The following ATG2A variants were observed in gnomAD, a reference collection of about 807,000 sequenced individuals.
ATG2A encodes the protein autophagy related 2A.
ATG2A carries 103 observed loss-of-function variants against 214.2 expected under a neutral mutation model. That is an observed-to-expected ratio of 0.48 (90% CI 0.41 to 0.57). ATG2A has a LOEUF of 0.57. Ranked by LOEUF, ATG2A falls within the 20% of genes least tolerant of loss-of-function variation. The pLI, the probability that ATG2A is intolerant of heterozygous loss-of-function variation, is 0.00. For missense variants in ATG2A, 2,312 were observed against 2,613.2 expected, an observed-to-expected ratio of 0.88 and a Z score of 2.51; for synonymous variants, 1,160 against 1,142.1, an observed-to-expected ratio of 1.02 and a Z score of -0.32.
chr11:64,897,494 C>T lies in ATG2A; in HGVS notation c.5068G>A (p.Gly1690Ser), dbSNP rs1237488274. 6.3e-7 allele frequency: 1 copy of T among 1,581,298 alleles called. No homozygotes were observed. The highest frequency in any genetic ancestry group is 8.6e-7 in the Non-Finnish European group (1 of 1,163,656). Reference protein sequence around the residue: ...HGKHVTMDQVGTFAGLLIGLA... With the variant: ...HGKHVTMDQVSTFAGLLIGLA... ...CCGATGAGGAGGCCAGCAAAAGTGCCCTGGGAGAGGGAGGGGGTCCAGGTT... is the reference window on the plus strand; with the variant it reads ...CCGATGAGGAGGCCAGCAAAAGTGCTCTGGGAGAGGGAGGGGGTCCAGGTT... Residue 1690 changes from glycine to serine, a missense_variant and splice_region_variant, in exon 37 of 41, where the codon GGC becomes AGC. Gly to Ser is a moderately conservative substitution (Grantham distance 56, BLOSUM62 0). Transcript: ENST00000377264.
rs769965305 is a variant in ATG2A, at chr11:64,907,456, G to A, written c.2648-17C>T. On this transcript the variant is annotated splice_polypyrimidine_tract_variant and intron_variant, in intron 18 of 40. Transcript: ENST00000377264. ...AGCAGTTGGCTGGGAAGGAGACCGC[G>A]AAGGGCTAGCCTGGCCCTTCCCAGA... is the stretch of plus-strand genomic sequence containing the variant. 1.6e-5 allele frequency: 26 copies of A among 1,606,366 alleles called. No individual in the cohort carries two copies. Among genetic ancestry groups the A allele is most frequent in the African/African-American group, 5.3e-5 (4 of 74,838 alleles).
intron 24 of ATG2A, among the ~76,000 whole-genome samples, chr11:64,904,225 G>A (rs1373609179): frequency 6.7e-6 from 1 of 150,174 alleles, no homozygotes; most frequent in South Asian, 2.1e-4. Context: ...TAGCCTGGGC[G>A]ACAGAGTGAG....
rs200777640 is a variant in ATG2A at position 64,897,666 on chromosome 11, C to G, written c.5067+5G>C. The G allele has an allele frequency of 6.2e-7, 1 of 1,614,252 alleles. No homozygotes were observed. The highest frequency in any genetic ancestry group is 2.2e-5 in the East Asian group (1 of 44,882). ...ATGGCCACCCCATCCGACCGCCCCA[C>G]TTACCACCTGGTCCATCGTGACGTG... On this transcript the variant is annotated splice_donor_5th_base_variant and intron_variant, in intron 36 of 40. Coordinates refer to ENST00000377264, the MANE Select transcript of ATG2A (RefSeq NM_015104.3).
chr11:64,911,506 G>A (rs1312973403), intron 9 of ATG2A, among the ~76,000 whole-genome samples: 1 of 152,142 alleles, frequency 6.6e-6, no homozygotes, highest in Non-Finnish European at 1.5e-5. Flanking sequence ...ATGTGATAAA[G>A]CACCCAGCCT....
chr11:64,900,346 A>G, intron 31 of ATG2A, 148 bp downstream of exon 31: 1 of 1,239,260 alleles, frequency 8.1e-7, no homozygotes, highest in East Asian at 2.4e-5. Flanking sequence ...CATCGGACAC[A>G]CTCGATACAT....
At chr11:64,908,413 G>T (rs1174042559) in intron 16 of ATG2A, among the ~76,000 whole-genome samples, 1 of 152,196 alleles carries the variant, frequency 6.6e-6, no homozygotes, top group Non-Finnish European at 1.5e-5. Flanking sequence ...TTAGCCGGGC[G>T]TGGTGGCACG....
chr11:64,898,591 G>A lies in ATG2A; in HGVS notation c.4671+45C>T, dbSNP rs778441446. On this transcript the variant is annotated intron_variant, in intron 32 of 40. Transcript: ENST00000377264. The surrounding 1 kb of genome is among the most constrained non-coding windows in gnomAD (Gnocchi z 4.5). ...GCATGCGTGAAGATGTATCCCCAAC[G>A]GTCTGGTGCCCTGCCCCAGGGTGGA... 1.2e-4 allele frequency: 189 copies of A among 1,592,010 alleles called. No individual in the cohort carries two copies. Among genetic ancestry groups the A allele is most frequent in the Non-Finnish European group, 1.5e-4 (179 of 1,161,000 alleles).
chr11:64,900,340 G>C (rs775867506), intron 31 of ATG2A, among the ~76,000 whole-genome samples, 154 bp downstream of exon 31: 1 of 151,898 alleles, frequency 6.6e-6, no homozygotes, highest in Non-Finnish European at 1.5e-5. Flanking sequence ...CTTCACCATC[G>C]GACACACTCG....
At chr11:64,911,346 C>T (rs1441293024) in intron 9 of ATG2A, 71 bp from the exon 10 acceptor site, 7 of 1,515,000 alleles carry the variant, frequency 4.6e-6, no homozygotes, top group Non-Finnish European at 6.3e-6. Flanking sequence ...AATAGTTTGC[C>T]ACCAGGCTGG....
rs1292601248 is a variant in ATG2A at position 64,895,251 on chromosome 11, T to C, written c.5580+39A>G. The C allele has an allele frequency of 1.2e-6, 2 of 1,612,842 alleles. No individual in the cohort carries two copies. The highest frequency in any genetic ancestry group is 1.7e-5 in the Admixed American group (1 of 59,994). On this transcript the variant is annotated intron_variant, in intron 40 of 40. Coordinates refer to ENST00000377264, the MANE Select transcript of ATG2A (RefSeq NM_015104.3). This position sits in a 1 kb window ranked among gnomAD's most constrained non-coding sequence, Gnocchi z 5.0. Reference sequence around the variant, plus strand: ...TCAGGGCGGGGTCTGTGTGAGGAGATGGGCATGGGGGACTGGGGCAGGGCG... The same window carrying C: ...TCAGGGCGGGGTCTGTGTGAGGAGACGGGCATGGGGGACTGGGGCAGGGCG...
chr11:64,906,194 C>G lies in ATG2A; in HGVS notation c.3184-1G>C, dbSNP rs1944540456. On this transcript the variant is annotated splice_acceptor_variant, in intron 21 of 40. Coordinates refer to ENST00000377264, the MANE Select transcript of ATG2A (RefSeq NM_015104.3). LOFTEE classifies it high-confidence loss of function. ...GCAACCGCAGTGTCACCAGGAACTC[C>G]TGAGGGTGGGGGCGCAGTCAGGGCA... The G allele has an allele frequency of 1.2e-6, 2 of 1,611,028 alleles. No homozygotes were observed. Among genetic ancestry groups the G allele is most frequent in the African/African-American group, 2.7e-5 (2 of 74,902 alleles).
intron 26 of ATG2A, 139 bp from the exon 27 acceptor site, chr11:64,902,819 C>A (rs949456125): frequency 1.4e-6 from 1 of 731,938 alleles, no homozygotes; most frequent in Non-Finnish European, 2.3e-6. Context: ...GAGTGGATGA[C>A]CTGCCCAGTA....
rs769964860 is a variant in ATG2A, at chr11:64,911,899, A to G, written c.1171T>C (p.Ser391Pro). 1.2e-6 allele frequency: 2 copies of G among 1,613,704 alleles called. No homozygotes were observed. The highest frequency in any genetic ancestry group is 2.2e-5 in the South Asian group (2 of 91,004). ...GAGGCCATGTCGCTGCGCACAGAGG[A>G]GGCCAGGTCTACATCGGAGAGGGAG... The part of the protein sequence containing the change: ...ELSLSDVDLA[S>P]SVRSDMASRR... The change falls in exon 9 of 41, where the codon TCC (serine) becomes CCC (proline). Residue 391 changes from serine (S) to proline (P), a missense_variant. Transcript: ENST00000377264.
rs534405796 is a variant in ATG2A, at chr11:64,898,752, G to A, written c.4555C>T (p.Gln1519Ter). The change falls in exon 32 of 41, where the codon CAG becomes TAG. Residue 1519 changes from glutamine to a stop codon, truncating the protein, a stop_gained. Coordinates refer to ENST00000377264, the MANE Select transcript of ATG2A (RefSeq NM_015104.3). LOFTEE classifies it high-confidence loss of function. This position sits in a 1 kb window ranked among gnomAD's most constrained non-coding sequence, Gnocchi z 4.5. ...TCCAGCTCCTGCACGATGAACACCT[G>A]ACGGGACAGCGGTCGCTCCTCCAGC... ...QELEERPLSR[Q>*]VFIVQELEVR... is the part of the protein sequence containing the mutation. 1 of 1,614,038 alleles carries A rather than the reference G, an allele frequency of 6.2e-7. No homozygotes were observed. The highest frequency in any genetic ancestry group is 1.1e-5 in the South Asian group (1 of 91,082).
chr11:64,906,220 G>A (rs1302113374), intron 21 of ATG2A, 27 bp from the exon 22 acceptor site: 1 of 1,611,286 alleles, frequency 6.2e-7, no homozygotes, highest in Non-Finnish European at 8.5e-7. Flanking sequence ...AGTCAGGGCA[G>A]TGGGGAGGCC....
rs759332220 is a variant in ATG2A at position 64,909,702 on chromosome 11, G to C, written c.2086C>G (p.Leu696Val). The C allele has an allele frequency of 5.6e-6, 9 of 1,613,056 alleles. No homozygotes were observed. Among genetic ancestry groups the C allele is most frequent in the South Asian group, 1.1e-5 (1 of 91,088 alleles). Reference protein sequence around the residue: ...PGPPVPTHLELTCSDLHGIYE... With the variant: ...PGPPVPTHLEVTCSDLHGIYE... The stretch of plus-strand genomic sequence containing the variant: ...TCACCATGTAGGTCGGAGCAGGTGA[G>C]TTCCAGGTGGGTGGGGACTGGGGGA... Residue 696 changes from leucine (L) to valine (V), a missense_variant, in exon 14 of 41, where the codon CTC becomes GTC. Leu to Val is a conservative substitution (Grantham distance 32). Transcript: ENST00000377264.
At position 64,906,747 on chromosome 11, in the gene ATG2A, G is replaced by A. The variant is rs1206111913; in HGVS notation, c.2901C>T (p.Leu967=). 8 of 1,613,484 alleles carry A rather than the reference G, an allele frequency of 5.0e-6. No individual in the cohort carries two copies. Among genetic ancestry groups the A allele is most frequent in the African/African-American group, 2.7e-5 (2 of 74,936 alleles). The change falls in exon 20 of 41, where the codon CTC becomes CTT. Residue 967 remains leucine (L), a synonymous_variant. Coordinates refer to ENST00000377264, the MANE Select transcript of ATG2A (RefSeq NM_015104.3). ...GGCCACAGTACTGGGAGACGCTGAA[G>A]AGGGTACCGTGCTCCATGTCCAGCA... ...ELVLDMEHGT[L]FSVSQYCGQP...
Position 64,897,931 on chromosome 11 carries a change from C to T in ATG2A, c.4902G>A (p.Gly1634=). The change falls in exon 35 of 41, where the codon GGG becomes GGA. Residue 1634 remains glycine (G), a synonymous_variant. Coordinates refer to ENST00000377264, the MANE Select transcript of ATG2A (RefSeq NM_015104.3). The part of the protein sequence containing the change: ...TRAQPSSPLE[G]QAEGVETTGS... ...CAGTGGTCTCTACGCCTTCGGCCTG[C>T]CCTTCCAGGGGGCTGCTGGGCTGGG... 1.3e-6 allele frequency: 2 copies of T among 1,549,728 alleles called. No individual in the cohort carries two copies. The highest frequency in any genetic ancestry group is 1.7e-6 in the Non-Finnish European group (2 of 1,149,552).
rs748951190 is a variant in ATG2A at position 64,905,630 on chromosome 11, G to C, written c.3397C>G (p.Leu1133Val). Residue 1133 changes from leucine (L) to valine (V), a missense_variant, in exon 24 of 41, where the codon CTC becomes GTC. Transcript: ENST00000377264. ...YRPLYLPVRV[L>V]ITAETFTLSS... ...AGAGTGAAGGTCTCCGCGGTGATGA[G>C]GACACGCACTGGGAGGTAGAGTGGC... is the stretch of plus-strand genomic sequence containing the variant. The C allele has an allele frequency of 1.2e-6, 2 of 1,613,862 alleles. No individual in the cohort carries two copies. Among genetic ancestry groups the C allele is most frequent in the Admixed American group, 1.7e-5 (1 of 59,956 alleles).
Sources: gnomAD v4.1 joint callset for allele counts (sites outside exome capture counted in the v4.1 genomes callset) on GRCh38, gnomAD v4.1.1 for gene constraint, Gnocchi (gnomAD v3.1) non-coding constraint, MANE v1.5 for transcripts, NCBI Gene and HGNC (gene_info 2026-07-23, HGNC 2026-07-21) for gene names.